The following OR2T11 variants were observed in gnomAD, a reference collection of about 807,000 sequenced individuals.
OR2T11 encodes olfactory receptor family 2 subfamily T member 11, also known as olfactory receptor 2T11.
OR2T11 carries 14 observed loss-of-function variants against 13.5 expected under a neutral mutation model. That is an observed-to-expected ratio of 1.04 (90% confidence interval 0.69 to 1.62). The LOEUF is 1.62. Among genes scored for constraint, OR2T11 ranks in the 40% most tolerant of loss-of-function variants. The pLI, the probability that OR2T11 is intolerant of heterozygous loss-of-function variation, is 0.00. For missense variants in OR2T11, 410 were observed against 389.7 expected, an observed-to-expected ratio of 1.05 and a Z score of -0.44; for synonymous variants, 163 against 154.6, an observed-to-expected ratio of 1.05 and a Z score of -0.40.
rs1660648352 is a variant in OR2T11, at chr1:248,633,854, C to CCT, written c.-145+1182_-145+1183dup. ...TGAGAAATGCCCCTAATGGGACTTA[C>CCT]CTCCTGTTTGCTTCAAAGAAGGACT... On this transcript the variant is annotated intron_variant, in intron 1 of 1. Coordinates refer to ENST00000641193, the MANE Select transcript of OR2T11 (RefSeq NM_001001964.2). 1.4e-5 allele frequency among the ~76,000 whole-genome samples: 2 copies of CCT among 143,864 alleles called. 1 individual carries two copies. Among genetic ancestry groups the CCT allele is most frequent in the Admixed American group, 1.4e-4 (2 of 14,782 alleles). The allele number at this position is 143,864 out of a possible 152,430, so 94.4% of individuals were successfully genotyped here.
At chr1:248,627,338 C>A in intron 1 of OR2T11, 66 bp from the exon 2 acceptor site, 1 of 534,644 alleles carries the variant, frequency 1.9e-6, no homozygotes, top group Non-Finnish European at 3.3e-6. Flanking sequence ...ATTTCCCTGT[C>A]AGAGAACAGC....
chr1:248,626,218 C>T lies in OR2T11; in HGVS notation c.911G>A (p.Cys304Tyr). The T allele has an allele frequency of 1.3e-6, 2 of 1,561,560 alleles. No individual in the cohort carries two copies. Among genetic ancestry groups the T allele is most frequent in the Non-Finnish European group, 1.7e-6 (2 of 1,146,014 alleles). ...TGCTACTTTCTGAGCAGATGAGCAA[C>T]ATGCAAATACCTTTTTAAATGCCCC... ...VIGAFKKVFACCSSAQKVATS... is the reference protein window; with the variant it reads ...VIGAFKKVFAYCSSAQKVATS... The change falls in exon 2 of 2, where the codon TGT becomes TAT. Residue 304 changes from cysteine (C) to tyrosine (Y), a missense_variant. By Grantham distance (194) the Cys-to-Tyr change is radical. Transcript: ENST00000641193.
rs941346862 is a variant in OR2T11 at position 248,631,094 on chromosome 1, T to A, written c.-144-3822A>T. On this transcript the variant is annotated intron_variant, in intron 1 of 1. Transcript: ENST00000641193. ...TATCTCCTAAAACCTCATAGAAAAG[T>A]AGGTAGCCTTCCCAACATCGTGATT... is the stretch of plus-strand genomic sequence containing the variant. 6.3e-5 allele frequency among the ~76,000 whole-genome samples: 9 copies of A among 142,728 alleles called. 2 individuals carry two copies. The highest frequency in any genetic ancestry group is 2.5e-4 in the African/African-American group (9 of 36,118). 93.6% of individuals were successfully genotyped at this position (142,728 alleles called of 152,430 possible).
In OR2T11 at chr1:248,633,793, A is replaced by AT. The variant is rs1281589887; in HGVS notation, c.-145+1244dup. 7.7e-5 allele frequency among the ~76,000 whole-genome samples: 11 copies of AT among 143,636 alleles called. 1 individual carries two copies. Among genetic ancestry groups the AT allele is most frequent in the African/African-American group, 3.0e-4 (11 of 36,588 alleles). 94.2% of individuals were successfully genotyped at this position (143,636 alleles called of 152,430 possible). Reference sequence around the variant, plus strand: ...ATGTAATCCTAAACTTTGCATTTAAATTTTCAGTCATGAAAGAGTTTTCTG... The same window carrying AT: ...ATGTAATCCTAAACTTTGCATTTAAATTTTTCAGTCATGAAAGAGTTTTCTG... On this transcript the variant is annotated intron_variant, in intron 1 of 1. Transcript: ENST00000641193.
chr1:248,624,246 A>G lies in OR2T11; in HGVS notation c.*1932T>C, dbSNP rs1660482325. 7.0e-6 allele frequency: 1 copy of G among 143,202 alleles called. No homozygotes were observed. Among genetic ancestry groups the G allele is most frequent in the Non-Finnish European group, 1.5e-5 (1 of 66,286 alleles). 8.9% of individuals were successfully genotyped at this position (143,202 alleles called of 1,614,324 possible). A position where few individuals can be genotyped will look rare whatever the true frequency, so the allele number is the denominator to read the frequency against. ...TTCATACTCAATATCACATGACAGC[A>G]CCATTAACATCAAACACATTGGTAT... On this transcript the variant is annotated 3_prime_UTR_variant, in exon 2 of 2. Transcript: ENST00000641193.
intron 1 of OR2T11, among the ~76,000 whole-genome samples, chr1:248,629,659 A>G (rs28428817): frequency 0.02 from 2,783 of 138,618 alleles, 550 homozygotes; most frequent in African/African-American, 0.077. Context: ...TACATCATAC[A>G]TTAAGGCCCA....
At chr1:248,627,647 ATTTCTT>A (rs1660544472) in intron 1 of OR2T11, among the ~76,000 whole-genome samples, 1 of 143,412 alleles carries the variant, frequency 7.0e-6, no homozygotes, top group African/African-American at 2.7e-5. Flanking sequence ...TTTCTGTTCT[ATTTCTT>A]TTTAATTATT....
At chr1:248,635,010 A>AAGCGTTC (rs201126227) in intron 1 of OR2T11, 28 bp downstream of exon 1, 1 of 126,640 alleles carries the variant, frequency 7.9e-6, no homozygotes, top group East Asian at 2.3e-4. Flanking sequence ...CTGTAGAAGC[A>AAGCGTTC]AGTTAATTTT....
rs1488087312 is a variant in OR2T11 at position 248,625,200 on chromosome 1, AATCCTTTGTGTCCAC to A, written c.*963_*977del. 1.4e-5 allele frequency: 2 copies of A among 143,422 alleles called. No individual in the cohort carries two copies. The highest frequency in any genetic ancestry group is 3.0e-5 in the Non-Finnish European group (2 of 66,292). 8.9% of individuals were successfully genotyped at this position (143,422 alleles called of 1,614,324 possible). A position where few individuals can be genotyped will look rare whatever the true frequency, so the allele number is the denominator to read the frequency against. On this transcript the variant is annotated 3_prime_UTR_variant, in exon 2 of 2. Coordinates refer to ENST00000641193, the MANE Select transcript of OR2T11 (RefSeq NM_001001964.2). The stretch of plus-strand genomic sequence containing the variant: ...TAACACACGCCAAATCCATGAGCCA[AATCCTTTGTGTCCAC>A]ACCCTACACAAGCCATCCTTGTTTC...
rs533120769 is a variant in OR2T11, at chr1:248,630,967, G to A, written c.-144-3695C>T. The stretch of plus-strand genomic sequence containing the variant: ...GAGTCAGAGACGTGATATGAAAACA[G>A]GTCGGAGGGACTCAGTCGGTCTCCG... On this transcript the variant is annotated intron_variant, in intron 1 of 1. Coordinates refer to ENST00000641193, the MANE Select transcript of OR2T11 (RefSeq NM_001001964.2). Among the ~76,000 whole-genome samples, 3 of 143,006 alleles carry A rather than the reference G, an allele frequency of 2.1e-5. 1 individual carries two copies. Among genetic ancestry groups the A allele is most frequent in the African/African-American group, 8.3e-5 (3 of 36,152 alleles). 93.8% of individuals were successfully genotyped at this position (143,006 alleles called of 152,430 possible). A position where few individuals can be genotyped will look rare whatever the true frequency, so the allele number is the denominator to read the frequency against.
In OR2T11 at chr1:248,624,482, T is replaced by G. The variant is rs1660485701; in HGVS notation, c.*1696A>C. 7.0e-6 allele frequency: 1 copy of G among 143,310 alleles called. No individual in the cohort carries two copies. Among genetic ancestry groups the G allele is most frequent in the African/African-American group, 2.8e-5 (1 of 36,338 alleles). The allele number at this position is 143,310 out of a possible 1,614,324, so 8.9% of individuals were successfully genotyped here. A position where few individuals can be genotyped will look rare whatever the true frequency, so the allele number is the denominator to read the frequency against. ...TTATTTCAACCATAGACTGCACTTG[T>G]TGCAGTTGCTTTTACTTTCTTTAAA... On this transcript the variant is annotated 3_prime_UTR_variant, in exon 2 of 2. Coordinates refer to ENST00000641193, the MANE Select transcript of OR2T11 (RefSeq NM_001001964.2).
In OR2T11 at chr1:248,626,485, T is replaced by G. The variant is rs1660521872; in HGVS notation, c.644A>C (p.Tyr215Ser). ...GTGGATGGTTAACAAGATGAGGGAG[T>G]AGGAAGTGGAGATGATAGAGATGGG... Reference protein sequence around the residue: ...LIPISIISTSYSLILLTIHRM... With the variant: ...LIPISIISTSSSLILLTIHRM... Residue 215 changes from tyrosine to serine, a missense_variant, in exon 2 of 2, where the codon TAC becomes TCC. Tyr to Ser is a moderately radical substitution (Grantham distance 144). Transcript: ENST00000641193. 2 of 1,568,520 alleles carry G rather than the reference T, an allele frequency of 1.3e-6. No homozygotes were observed. The highest frequency in any genetic ancestry group is 1.7e-6 in the Non-Finnish European group (2 of 1,154,590).
rs758487664 is a variant in OR2T11 at position 248,627,164 on chromosome 1, G to A, written c.-36C>T. ...CACGAGCGTCCCAGGGCAACGGGAA[G>A]ACACAAGGACCAGGAAGGAGGCAAG... On this transcript the variant is annotated 5_prime_UTR_variant, in exon 2 of 2. Transcript: ENST00000641193. 2.4e-6 allele frequency: 3 copies of A among 1,229,010 alleles called. No individual in the cohort carries two copies. Among genetic ancestry groups the A allele is most frequent in the Non-Finnish European group, 3.5e-6 (3 of 859,756 alleles). 76.1% of individuals were successfully genotyped at this position (1,229,010 alleles called of 1,614,324 possible). A position where few individuals can be genotyped will look rare whatever the true frequency, so the allele number is the denominator to read the frequency against.
intron 1 of OR2T11, among the ~76,000 whole-genome samples, 151 bp downstream of exon 1, chr1:248,634,887 T>TA (rs1269585461): frequency 6.9e-6 from 1 of 145,056 alleles, no homozygotes; most frequent in Non-Finnish European, 1.5e-5. Flanking sequence ...TTTTGCCTGA[T>TA]ATCTTCCTGA....
rs1352125267 is a variant in OR2T11, at chr1:248,628,812, A to C, written c.-144-1540T>G. The stretch of plus-strand genomic sequence containing the variant: ...ATTCATATTACTGTGAAAGGGGCTA[A>C]GGACTGTGGCCTCCTCTGTCAGGCC... On this transcript the variant is annotated intron_variant, in intron 1 of 1. Coordinates refer to ENST00000641193, the MANE Select transcript of OR2T11 (RefSeq NM_001001964.2). Among the ~76,000 whole-genome samples the C allele has an allele frequency of 4.9e-5, 7 of 143,134 alleles. 2 individuals carry two copies. In the East Asian group the frequency reaches 1.4e-3, roughly 29 times the overall value. 93.9% of individuals were successfully genotyped at this position (143,134 alleles called of 152,430 possible). A position where few individuals can be genotyped will look rare whatever the true frequency, so the allele number is the denominator to read the frequency against.
Position 248,627,105 on chromosome 1 carries a change from G to GC in OR2T11, c.23_24insG (p.Asp8GlufsTer12). On this transcript the variant is annotated frameshift_variant, in exon 2 of 2. Transcript: ENST00000641193. LOFTEE classifies it high-confidence loss of function. ...TCACCAGAAGCCCCAGGAGGGTGAA[G>GC]TCAGAGGATGATGTGTTCGTCATTG... The GC allele has an allele frequency of 1.3e-6, 2 of 1,556,052 alleles. No individual in the cohort carries two copies. Among genetic ancestry groups the GC allele is most frequent in the Non-Finnish European group, 1.8e-6 (2 of 1,142,804 alleles).
rs1247630400 is a variant in OR2T11, at chr1:248,625,967, C to G, written c.*211G>C. 4 of 399,478 alleles carry G rather than the reference C, an allele frequency of 1.0e-5. No individual in the cohort carries two copies. The South Asian group carries it at 2.0e-4, about 20-fold the overall frequency. 24.7% of individuals were successfully genotyped at this position (399,478 alleles called of 1,614,324 possible). On this transcript the variant is annotated 3_prime_UTR_variant, in exon 2 of 2. Coordinates refer to ENST00000641193, the MANE Select transcript of OR2T11 (RefSeq NM_001001964.2). ...AAAGACTAGATAAATTATTTAACTT[C>G]ATAATAAACCATTTTTGATACTTCA...
chr1:248,633,539 C>G (rs28690595), intron 1 of OR2T11, among the ~76,000 whole-genome samples: 130,052 of 138,272 alleles, frequency 0.94, 62,856 homozygotes, highest in East Asian at 1. Context: ...TTCTCCCTTT[C>G]AAGTAGTTTC....
rs930604722 is a variant in OR2T11 at position 248,625,731 on chromosome 1, G to C, written c.*447C>G. On this transcript the variant is annotated 3_prime_UTR_variant, in exon 2 of 2. Transcript: ENST00000641193. ...TACTAAAATAAAAAACACGACTAAAGTGTGTGCTTTTATCTTCTTTGCCAC... is the reference window on the plus strand; with the variant it reads ...TACTAAAATAAAAAACACGACTAAACTGTGTGCTTTTATCTTCTTTGCCAC... The C allele has an allele frequency of 6.6e-6, 1 of 150,484 alleles. No individual in the cohort carries two copies. The highest frequency in any genetic ancestry group is 2.7e-5 in the African/African-American group (1 of 36,740). The allele number at this position is 150,484 out of a possible 1,614,324, so 9.3% of individuals were successfully genotyped here.
Sources: allele counts gnomAD v4.1 joint callset (sites outside exome capture counted in the v4.1 genomes callset), GRCh38; gene constraint gnomAD v4.1.1; transcripts MANE v1.5; gene names NCBI Gene and HGNC (gene_info 2026-07-23, HGNC 2026-07-21).